The following CD247 variants were observed in gnomAD, a reference collection of about 807,000 sequenced individuals.
The protein encoded by CD247 is CD247 molecule, also known as T-cell surface glycoprotein CD3 zeta chain.
CD247 carries 13 observed loss-of-function variants against 30.0 expected under a neutral mutation model. That is an observed-to-expected ratio of 0.43 (90% CI 0.28 to 0.69). The LOEUF (loss-of-function observed/expected upper bound fraction) is 0.69, where lower values mean the gene tolerates loss of function less well. Among genes scored for constraint, CD247 ranks in the 30% least tolerant of loss-of-function variants. The pLI is 0.16. For synonymous variants in CD247, 72 were observed against 80.0 expected (o/e 0.90, Z 0.53); for missense variants, 193 against 212.6 (o/e 0.91, Z 0.57).
At chr1:167,443,442 GC>G (rs528529949) in intron 1 of CD247, among the ~76,000 whole-genome samples, 129 of 152,322 alleles carry the variant, frequency 8.5e-4, no homozygotes, top group African/African-American at 3.0e-3. Flanking sequence ...GGACAAGCCA[GC>G]CCCCATGAAG....
chr1:167,506,626 T>C (rs1655146226), intron 1 of CD247, among the ~76,000 whole-genome samples: 1 of 152,124 alleles, frequency 6.6e-6, no homozygotes, highest in Admixed American at 6.5e-5. Context: ...TAGAACTAAG[T>C]GGCAGCAACC....
At position 167,518,471 on chromosome 1, in the gene CD247, C is replaced by T. The variant is rs373452939; in HGVS notation, c.-6G>A. ...AAAAGCGCCTTCCACTTCATCTTGT[C>T]CTTTCCCTCAGAAAGAGGCTGGGAG... On this transcript the variant is annotated 5_prime_UTR_variant, in exon 1 of 8. Transcript: ENST00000362089. 3.7e-6 allele frequency: 6 copies of T among 1,613,874 alleles called. No individual in the cohort carries two copies. The African/African-American group carries it at 8.0e-5, about 22-fold the overall frequency.
At chr1:167,478,217 T>A (rs980522018) in intron 1 of CD247, among the ~76,000 whole-genome samples, 14 of 152,180 alleles carry the variant, frequency 9.2e-5, no homozygotes, top group Non-Finnish European at 1.9e-4. Flanking sequence ...CTGTCTGATG[T>A]CTCTCACACA....
Position 167,435,424 on chromosome 1 carries a change from T to C in CD247, c.311A>G (p.Lys104Arg). The C allele has an allele frequency of 6.2e-7, 1 of 1,612,680 alleles. No individual in the cohort carries two copies. The highest frequency in any genetic ancestry group is 8.5e-7 in the Non-Finnish European group (1 of 1,178,620). The change falls in exon 5 of 8, where the codon AAG (lysine) becomes AGG (arginine). Residue 104 changes from lysine (K) to arginine (R), a missense_variant. Coordinates refer to ENST00000362089, the MANE Select transcript of CD247 (RefSeq NM_198053.3). ...PEMGGKPQRR[K>R]NPQEGLYNEL... is the part of the protein sequence containing the mutation. Reference sequence around the variant, plus strand: ...ATTGTACAGGCCTTCCTGAGGGTTCTTCCTTCTCTGCTAGGAAAGACAACG... The same window carrying C: ...ATTGTACAGGCCTTCCTGAGGGTTCCTCCTTCTCTGCTAGGAAAGACAACG...
chr1:167,481,243 C>T (rs1043988382), intron 1 of CD247, among the ~76,000 whole-genome samples: 1 of 152,086 alleles, frequency 6.6e-6, no homozygotes, highest in Non-Finnish European at 1.5e-5. Context: ...GCTGAGATCA[C>T]GCCACTGCAC....
chr1:167,446,830 A>G (rs1313101667), intron 1 of CD247, among the ~76,000 whole-genome samples: 1 of 152,056 alleles, frequency 6.6e-6, no homozygotes, highest in South Asian at 2.1e-4. Flanking sequence ...CGTCTCTACT[A>G]AAAAATACAA....
At chr1:167,444,972 C>A (rs536067958) in intron 1 of CD247, among the ~76,000 whole-genome samples, 3 of 151,696 alleles carry the variant, frequency 2.0e-5, no homozygotes, top group African/African-American at 4.8e-5. Flanking sequence ...GTTGCCCAGG[C>A]TGGAGTGCAA....
At chr1:167,504,260 C>T (rs1370782520) in intron 1 of CD247, among the ~76,000 whole-genome samples, 5 of 152,106 alleles carry the variant, frequency 3.3e-5, no homozygotes, top group Non-Finnish European at 5.9e-5. Flanking sequence ...AAACAAGCCC[C>T]GGCATCACAA....
chr1:167,430,880 C>A lies in CD247; in HGVS notation c.*801G>T. 2.5e-6 allele frequency: 1 copy of A among 398,794 alleles called. No individual in the cohort carries two copies. Among genetic ancestry groups the A allele is most frequent in the South Asian group, 1.3e-4 (1 of 7,848 alleles). 24.7% of individuals were successfully genotyped at this position (398,794 alleles called of 1,614,324 possible). On this transcript the variant is annotated 3_prime_UTR_variant, in exon 8 of 8. Coordinates refer to ENST00000362089, the MANE Select transcript of CD247 (RefSeq NM_198053.3). ...GAGGCCTTCACAAAGATGATTTTGT[C>A]ATTCGCTGAAAGCGTGAAGTGAATC...
intron 1 of CD247, among the ~76,000 whole-genome samples, chr1:167,447,160 G>A (rs988277117): frequency 3.3e-5 from 5 of 152,170 alleles, no homozygotes; most frequent in African/African-American, 1.2e-4. Context: ...GCATGATCTG[G>A]CTTAATCCTC....
At chr1:167,485,955 G>C (rs1285892039) in intron 1 of CD247, among the ~76,000 whole-genome samples, 2 of 152,096 alleles carry the variant, frequency 1.3e-5, no homozygotes, top group African/African-American at 4.8e-5. Flanking sequence ...ACTGGAGGCT[G>C]GGGAGGGGAG....
chr1:167,434,583 A>G, intron 5 of CD247: 1 of 361,520 alleles, frequency 2.8e-6, no homozygotes, highest in Non-Finnish European at 5.4e-6. Flanking sequence ...CACACCCAGG[A>G]GGGTGAGGTT....
chr1:167,506,507 C>T (rs1368730273), intron 1 of CD247, among the ~76,000 whole-genome samples: 1 of 151,912 alleles, frequency 6.6e-6, no homozygotes, highest in African/African-American at 2.4e-5. Flanking sequence ...GTCACCGTGC[C>T]CAGCGAATAT....
intron 1 of CD247, chr1:167,448,304 G>A (rs974003805): frequency 2.1e-6 from 2 of 952,932 alleles, no homozygotes; most frequent in Non-Finnish European, 2.5e-6. Flanking sequence ...GGCACATCTG[G>A]ATCCACAGTC....
At chr1:167,453,173 T>C (rs375562293) in intron 1 of CD247, among the ~76,000 whole-genome samples, 166 of 152,214 alleles carry the variant, frequency 1.1e-3, no homozygotes, top group African/African-American at 3.5e-3. Flanking sequence ...AAACATTTGC[T>C]CTACACTTTC....
Position 167,430,955 on chromosome 1 carries a change from T to C in CD247, c.*726A>G, listed in dbSNP as rs1172692679. 3 of 362,964 alleles carry C rather than the reference T, an allele frequency of 8.3e-6. No homozygotes were observed. Among genetic ancestry groups the C allele is most frequent in the Non-Finnish European group, 1.4e-5 (3 of 211,714 alleles). The allele number at this position is 362,964 out of a possible 1,614,324, so 22.5% of individuals were successfully genotyped here. A position where few individuals can be genotyped will look rare whatever the true frequency, so the allele number is the denominator to read the frequency against. ...ACTTTATTCACACTGTGTAACCACATGTTTTTTATGCCACTTTGTGCACAG... is the reference window on the plus strand; with the variant it reads ...ACTTTATTCACACTGTGTAACCACACGTTTTTTATGCCACTTTGTGCACAG... On this transcript the variant is annotated 3_prime_UTR_variant, in exon 8 of 8. Transcript: ENST00000362089.
At chr1:167,435,478 A>C (rs773614866) in intron 4 of CD247, 44 bp from the exon 5 acceptor site, 4 of 1,535,860 alleles carry the variant, frequency 2.6e-6, no homozygotes, top group Non-Finnish European at 3.6e-6. Flanking sequence ...AGAAACACAA[A>C]CCCAAGCCAT....
chr1:167,512,789 A>G (rs1655445616), intron 1 of CD247, among the ~76,000 whole-genome samples: 4 of 152,186 alleles, frequency 2.6e-5, no homozygotes, highest in Admixed American at 2.6e-4. Flanking sequence ...CTCACAGAGG[A>G]AGAACAGGGC....
At chr1:167,435,649 C>T (rs982122545) in intron 4 of CD247, among the ~76,000 whole-genome samples, 8 of 152,262 alleles carry the variant, frequency 5.3e-5, no homozygotes, top group African/African-American at 1.4e-4. Flanking sequence ...TGGATACACA[C>T]TTCGCTCTTC....
Sources: allele counts gnomAD v4.1 joint callset (sites outside exome capture counted in the v4.1 genomes callset), GRCh38; gene constraint gnomAD v4.1.1; transcripts MANE v1.5; gene names NCBI Gene and HGNC (gene_info 2026-07-23, HGNC 2026-07-21).